Variants in RBFOX1 observed in about 807,000 individuals in gnomAD.
The protein encoded by RBFOX1 is RNA binding protein fox-1 homolog 1.
RBFOX1 carries 8 observed loss-of-function variants against 57.7 expected under a neutral mutation model. The ratio of observed to expected loss-of-function variants is 0.14; its 90% confidence interval spans 0.08 to 0.25. The LOEUF (loss-of-function observed/expected upper bound fraction) is 0.25, where lower values mean the gene tolerates loss of function less well. RBFOX1 is among the 10% of genes least tolerant of loss of function. RBFOX1 has a pLI of 1.00. For synonymous variants in RBFOX1, 326 were observed against 222.4 expected (o/e 1.47, Z -4.15); for missense variants, 611 against 548.5 (o/e 1.11, Z -1.14).
chr16:5,381,866 A>G (rs1217987777), intron 1 of RBFOX1, among the ~76,000 whole-genome samples: 2 of 152,244 alleles, frequency 1.3e-5, no homozygotes, highest in African/African-American at 4.8e-5. Context: ...CAGGCTGGCT[A>G]ACTCCAGCGT....
chr16:5,368,755 G>T (rs541127702), intron 1 of RBFOX1, among the ~76,000 whole-genome samples: 48 of 152,094 alleles, frequency 3.2e-4, no homozygotes, highest in African/African-American at 1.1e-3. Flanking sequence ...TAAGCAGGGG[G>T]TCTCAGCGTT....
intron 4 of RBFOX1, among the ~76,000 whole-genome samples, chr16:7,331,402 C>T (rs1239124735): frequency 1.3e-5 from 2 of 152,124 alleles, no homozygotes; most frequent in East Asian, 3.9e-4. Flanking sequence ...AGTGGATTCA[C>T]TTCATCAGAA....
chr16:7,360,928 C>T (rs569010406), intron 4 of RBFOX1, among the ~76,000 whole-genome samples: 2 of 152,266 alleles, frequency 1.3e-5, no homozygotes, highest in East Asian at 1.9e-4. Context: ...GAGTCTCATC[C>T]ACTGCGTATG....
intron 1 of RBFOX1, among the ~76,000 whole-genome samples, chr16:6,052,944 C>T (rs1038854411): frequency 9.9e-5 from 15 of 151,946 alleles, no homozygotes; most frequent in Non-Finnish European, 1.9e-4. Context: ...AATATTAGTT[C>T]ATCATCTTAC....
intron 4 of RBFOX1, among the ~76,000 whole-genome samples, chr16:7,094,554 C>T (rs990156853): frequency 6.6e-6 from 1 of 151,982 alleles, no homozygotes; most frequent in African/African-American, 2.4e-5. Context: ...CATTCGAAGT[C>T]AGACTGTCAA....
At chr16:5,569,829 C>G (rs1000097814) in intron 2 of RBFOX1, among the ~76,000 whole-genome samples, 1 of 152,120 alleles carries the variant, frequency 6.6e-6, no homozygotes, top group African/African-American at 2.4e-5. Context: ...CCTTTCTTGA[C>G]ATGGTCTTCC....
intron 4 of RBFOX1, among the ~76,000 whole-genome samples, chr16:7,486,063 C>G (rs1424494672): frequency 6.7e-6 from 1 of 150,014 alleles, no homozygotes; most frequent in African/African-American, 2.5e-5. Flanking sequence ...TGTGCTACCA[C>G]TTGGTGTGTT....
At chr16:6,312,492 C>T (rs528495494) in intron 1 of RBFOX1, among the ~76,000 whole-genome samples, 2 of 152,230 alleles carry the variant, frequency 1.3e-5, no homozygotes, top group South Asian at 4.2e-4. Context: ...GGTGAGGTTT[C>T]GTCTGTTCTG....
At chr16:7,701,586 A>G (rs1324682075) in intron 14 of RBFOX1, among the ~76,000 whole-genome samples, 1 of 152,190 alleles carries the variant, frequency 6.6e-6, no homozygotes, top group African/African-American at 2.4e-5. Context: ...GGTGCCAAGA[A>G]GGCCAGGGAC....
At chr16:6,409,952 C>G (rs552913828) in intron 2 of RBFOX1, among the ~76,000 whole-genome samples, 1 of 152,082 alleles carries the variant, frequency 6.6e-6, no homozygotes, top group Non-Finnish European at 1.5e-5. Flanking sequence ...ACCCGAGAAG[C>G]ATCTAAAATC....
At chr16:6,042,792 G>A (rs2095452362) in intron 1 of RBFOX1, among the ~76,000 whole-genome samples, 1 of 152,154 alleles carries the variant, frequency 6.6e-6, no homozygotes, top group South Asian at 2.1e-4. Flanking sequence ...GTTCAGCAAA[G>A]AAAGGCAGGA....
chr16:6,653,419 G>T (rs1428208961), intron 2 of RBFOX1, among the ~76,000 whole-genome samples: 1 of 152,148 alleles, frequency 6.6e-6, no homozygotes, highest in African/African-American at 2.4e-5. Context: ...GCCAAGAGTT[G>T]CTAAAGAAAT....
chr16:7,278,007 G>T (rs1214883050), intron 4 of RBFOX1, among the ~76,000 whole-genome samples: 1 of 151,774 alleles, frequency 6.6e-6, no homozygotes, highest in Middle Eastern at 3.5e-3. Flanking sequence ...CAAGAATTCT[G>T]TCAGTTCCTT....
chr16:6,682,782 A>G (rs1183151611), intron 3 of RBFOX1, among the ~76,000 whole-genome samples: 1 of 151,536 alleles, frequency 6.6e-6, no homozygotes, highest in Non-Finnish European at 1.5e-5. Context: ...TCAGGGTGAA[A>G]TTTTCACAGT....
intron 3 of RBFOX1, among the ~76,000 whole-genome samples, chr16:7,041,936 G>A (rs12102607): frequency 0.11 from 16,109 of 152,218 alleles, 1,116 homozygotes; most frequent in Non-Finnish European, 0.15. Context: ...TACAAATGGG[G>A]AAATTGCCTG....
chr16:5,743,531 C>T (rs545541909), intron 3 of RBFOX1, among the ~76,000 whole-genome samples: 2 of 152,148 alleles, frequency 1.3e-5, no homozygotes, highest in Non-Finnish European at 2.9e-5. Context: ...ACTGGTGCCA[C>T]ATATTAAAAT....
chr16:7,018,461 C>G (rs1292794623), intron 3 of RBFOX1, among the ~76,000 whole-genome samples: 1 of 152,164 alleles, frequency 6.6e-6, no homozygotes, highest in Non-Finnish European at 1.5e-5. Flanking sequence ...AATACAACGT[C>G]TAATCCAGTC....
At chr16:5,579,604 C>G (rs888892044) in intron 2 of RBFOX1, among the ~76,000 whole-genome samples, 1 of 152,290 alleles carries the variant, frequency 6.6e-6, no homozygotes, top group African/African-American at 2.4e-5. Context: ...CTGGTGACCC[C>G]GTTTTGCTGG....
chr16:5,258,111 T>TG (rs1567244037), intron 1 of RBFOX1, among the ~76,000 whole-genome samples: 1 of 152,142 alleles, frequency 6.6e-6, no homozygotes, highest in Non-Finnish European at 1.5e-5. Context: ...ACTCCTGGGC[T>TG]CAAGCAGTCC....
Sources: allele counts gnomAD v4.1 joint callset (sites outside exome capture counted in the v4.1 genomes callset), GRCh38; gene constraint gnomAD v4.1.1; transcripts MANE v1.5; gene names NCBI Gene and HGNC (gene_info 2026-07-23, HGNC 2026-07-21).